The following SRSF11 variants were observed in gnomAD, a reference collection of about 807,000 sequenced individuals.
SRSF11 encodes serine and arginine rich splicing factor 11.
In SRSF11, 9 loss-of-function variants were observed where a neutral mutation model predicts 56.0. That is an observed-to-expected ratio of 0.16 (90% CI 0.10 to 0.28). SRSF11 has a LOEUF of 0.28. SRSF11 is among the 10% of genes least tolerant of loss of function. The pLI, the probability that SRSF11 is intolerant of heterozygous loss-of-function variation, is 1.00. For synonymous variants in SRSF11, 222 were observed against 215.3 expected, an observed-to-expected ratio of 1.03 and a Z score of -0.27; for missense variants, 421 against 600.7, an observed-to-expected ratio of 0.70 and a Z score of 3.13.
intron 1 of SRSF11, among the ~76,000 whole-genome samples, chr1:70,206,194 C>T (rs116216157): frequency 6.6e-6 from 1 of 152,316 alleles, no homozygotes; most frequent in African/African-American, 2.4e-5. Flanking sequence ...TTCTGTGTAT[C>T]AGACAGTTTA....
chr1:70,237,592 C>G, intron 6 of SRSF11, 40 bp downstream of exon 6: 1 of 1,597,874 alleles, frequency 6.3e-7, no homozygotes, highest in Middle Eastern at 1.7e-4. Context: ...TGATTCTTAG[C>G]AAAAATGATT....
At position 70,228,530 on chromosome 1, in the gene SRSF11, T is replaced by G. The variant is rs779280348; in HGVS notation, c.312T>G (p.Ala104=). 6.2e-7 allele frequency: 1 copy of G among 1,613,678 alleles called. No homozygotes were observed. Among genetic ancestry groups the G allele is most frequent in the Non-Finnish European group, 8.5e-7 (1 of 1,179,734 alleles). ...HLTNTVFVDR[A]LIVVPYAEGV... is the part of the protein sequence containing the mutation. ...CAAACACTGTATTCGTTGACAGAGC[T>G]TTGATAGTCGTACCATATGCAGAAG... Residue 104 remains alanine, a synonymous_variant, in exon 2 of 12, where the codon GCT becomes GCG. Transcript: ENST00000370949.
chr1:70,237,316 T>G, intron 5 of SRSF11, 109 bp from the exon 6 acceptor site: 1 of 1,406,254 alleles, frequency 7.1e-7, no homozygotes, highest in Non-Finnish European at 9.6e-7. Context: ...CCCCTCCCTT[T>G]TTTTGAAGGA....
intron 5 of SRSF11, among the ~76,000 whole-genome samples, chr1:70,236,726 C>T (rs1418747134): frequency 1.3e-5 from 2 of 151,624 alleles, no homozygotes; most frequent in African/African-American, 2.4e-5. Flanking sequence ...TTGGCCTCTG[C>T]CTCAGTTCCT....
At chr1:70,234,915 T>C in intron 4 of SRSF11, 127 bp downstream of exon 4, 2 of 672,868 alleles carry the variant, frequency 3.0e-6, no homozygotes, top group South Asian at 4.4e-5. Context: ...TTGTTTAAAC[T>C]TGTCAGAGCT....
chr1:70,250,684 T>C lies in SRSF11; in HGVS notation c.1334T>C (p.Ile445Thr), dbSNP rs771410466. Residue 445 changes from isoleucine to threonine, a missense_variant, in exon 12 of 12, where the codon ATA becomes ACA. Transcript: ENST00000370949. ...GAGAAAAAAGAAGAGAAGAAACCAA[T>C]AGAAACAGGTTCCCCTAAAACAAAG... ...EKEKKEEKKP[I>T]ETGSPKTKEC... 6.2e-6 allele frequency: 10 copies of C among 1,613,598 alleles called. No individual in the cohort carries two copies. Among genetic ancestry groups the C allele is most frequent in the South Asian group, 1.1e-5 (1 of 91,042 alleles).
chr1:70,240,755 C>A (rs1345959661), intron 7 of SRSF11, among the ~76,000 whole-genome samples: 1 of 151,752 alleles, frequency 6.6e-6, no homozygotes, highest in Non-Finnish European at 1.5e-5. Flanking sequence ...CTTTACATAC[C>A]CCTCCATCAC....
Position 70,235,560 on chromosome 1 carries a change from TTTTC to T in SRSF11, c.590+14_590+17del. 2 of 1,609,392 alleles carry T rather than the reference TTTTC, an allele frequency of 1.2e-6. No homozygotes were observed. Among genetic ancestry groups the T allele is most frequent in the South Asian group, 1.1e-5 (1 of 89,476 alleles). On this transcript the variant is annotated intron_variant, in intron 5 of 11. Coordinates refer to ENST00000370949, the MANE Select transcript of SRSF11 (RefSeq NM_001350605.2). ...GTACTGTTGATCCCAAGTAAGCGTT[TTTTC>T]TTTGTTTTCATTGGTGATGTGGTAT...
rs1678114765 is a variant in SRSF11 at position 70,252,657 on chromosome 1, TCAA to T, written c.*1855_*1857del. 1 of 152,174 alleles carries T rather than the reference TCAA, an allele frequency of 6.6e-6. No individual in the cohort carries two copies. The highest frequency in any genetic ancestry group is 1.5e-5 in the Non-Finnish European group (1 of 68,024). 9.4% of individuals were successfully genotyped at this position (152,174 alleles called of 1,614,324 possible). On this transcript the variant is annotated 3_prime_UTR_variant, in exon 12 of 12. Coordinates refer to ENST00000370949, the MANE Select transcript of SRSF11 (RefSeq NM_001350605.2). ...TCACTGCATTTTTAAAAAACAAAGT[TCAA>T]CACAAATGACATTTGTTTTAAACTT...
intron 2 of SRSF11, 35 bp downstream of exon 2, chr1:70,228,590 C>G: frequency 6.3e-7 from 1 of 1,596,288 alleles, no homozygotes; most frequent in Non-Finnish European, 8.5e-7. Flanking sequence ...TGTGGGCATC[C>G]TAAGATGACC....
At position 70,251,858 on chromosome 1, in the gene SRSF11, G is replaced by A. The variant is rs910249987; in HGVS notation, c.*1053G>A. The A allele has an allele frequency of 2.0e-5, 3 of 152,566 alleles. No homozygotes were observed. Among genetic ancestry groups the A allele is most frequent in the South Asian group, 4.1e-4 (2 of 4,826 alleles). 9.5% of individuals were successfully genotyped at this position (152,566 alleles called of 1,614,324 possible). A position where few individuals can be genotyped will look rare whatever the true frequency, so the allele number is the denominator to read the frequency against. On this transcript the variant is annotated 3_prime_UTR_variant, in exon 12 of 12. Transcript: ENST00000370949. ...GGTGATTTCATGTTATATATGCAAA[G>A]TAGGCAACTGTTTTCTTAGTTACAG...
chr1:70,245,863 AG>A (rs1676626110), intron 8 of SRSF11, among the ~76,000 whole-genome samples: 1 of 152,176 alleles, frequency 6.6e-6, no homozygotes, highest in Non-Finnish European at 1.5e-5. Context: ...TAATATTTTC[AG>A]GTTTGTACTT....
intron 8 of SRSF11, among the ~76,000 whole-genome samples, chr1:70,245,930 A>G (rs1480020742): frequency 6.6e-6 from 1 of 152,150 alleles, no homozygotes; most frequent in Non-Finnish European, 1.5e-5. Context: ...ACTGGGACCT[A>G]CTAGGGGACT....
At chr1:70,245,690 G>A (rs1286689203) in intron 8 of SRSF11, among the ~76,000 whole-genome samples, 1 of 152,164 alleles carries the variant, frequency 6.6e-6, no homozygotes, top group Non-Finnish European at 1.5e-5. Context: ...ATGCTTTCAG[G>A]TGGAGAATGG....
In SRSF11 at chr1:70,246,850, G is replaced by A. The variant is rs201108508; in HGVS notation, c.965G>A (p.Arg322His). ...AAGAAAGAAGACAAAGAAAAGAAAC[G>A]TTCTAAAACACCACCAAAAAGTTAC... is the stretch of plus-strand genomic sequence containing the variant. Reference protein sequence around the residue: ...DKKKEDKEKKRSKTPPKSYST... With the variant: ...DKKKEDKEKKHSKTPPKSYST... Residue 322 changes from arginine to histidine, a missense_variant, in exon 9 of 12, where the codon CGT (arginine) becomes CAT (histidine). By Grantham distance (29) the Arg-to-His change is conservative. Transcript: ENST00000370949. 31 of 1,611,148 alleles carry A rather than the reference G, an allele frequency of 1.9e-5. No individual in the cohort carries two copies. Among genetic ancestry groups the A allele is most frequent in the East Asian group, 4.5e-5 (2 of 44,740 alleles).
chr1:70,210,065 C>T lies in SRSF11; in HGVS notation c.-26+4285C>T, dbSNP rs570334896. ...CTTTGGAATAATGCATTTGTATATT[C>T]TTTGTTTTCTCTGCTTCTCTTATAT... On this transcript the variant is annotated intron_variant, in intron 1 of 12. Coordinates refer to the SRSF11 transcript ENST00000370950. 8.9e-4 allele frequency among the ~76,000 whole-genome samples: 136 copies of T among 152,002 alleles called. No homozygotes were observed. The South Asian group carries it at 0.015, about 17-fold the overall frequency.
At chr1:70,244,622 G>A (rs1676318429) in intron 7 of SRSF11, 62 bp from the exon 8 acceptor site, 2 of 1,553,276 alleles carry the variant, frequency 1.3e-6, no homozygotes, top group Non-Finnish European at 1.8e-6. Context: ...CTGATACTAA[G>A]CACAAAATTT....
At chr1:70,243,234 T>C (rs767049276) in intron 7 of SRSF11, among the ~76,000 whole-genome samples, 11 of 147,666 alleles carry the variant, frequency 7.4e-5, no homozygotes, top group Non-Finnish European at 1.0e-4. Flanking sequence ...AATCCATGCA[T>C]ACTCAAGTCC....
At chr1:70,241,469 T>C (rs912873979) in intron 7 of SRSF11, among the ~76,000 whole-genome samples, 2 of 152,198 alleles carry the variant, frequency 1.3e-5, no homozygotes, top group Non-Finnish European at 2.9e-5. Context: ...AGAGTTGTCT[T>C]TCAGAAACCC....
Sources: allele counts gnomAD v4.1 joint callset (sites outside exome capture counted in the v4.1 genomes callset), GRCh38; gene constraint gnomAD v4.1.1; transcripts MANE v1.5; gene names NCBI Gene and HGNC (gene_info 2026-07-23, HGNC 2026-07-21).